Variants in DAPK2 observed in about 807,000 individuals in gnomAD.
DAPK2 encodes death-associated protein kinase 2.
A neutral mutation model predicts 44.1 loss-of-function variants in DAPK2; 35 were observed. That is an observed-to-expected ratio of 0.79 (90% CI 0.61 to 1.05). The LOEUF (loss-of-function observed/expected upper bound fraction) is 1.05. Among genes scored for constraint, DAPK2 ranks in the 50% least tolerant of loss-of-function variants. The probability of loss-of-function intolerance (pLI) is 0.00; values close to 1 mark genes in which losing one functional copy is unlikely to be tolerated. For synonymous variants in DAPK2, 174 were observed against 182.6 expected, an observed-to-expected ratio of 0.95 and a Z score of 0.38; for missense variants, 453 against 483.2, an observed-to-expected ratio of 0.94 and a Z score of 0.59.
chr15:63,959,706 A>C (rs575008818), intron 3 of DAPK2, among the ~76,000 whole-genome samples: 10 of 152,280 alleles, frequency 6.6e-5, no homozygotes, highest in African/African-American at 2.4e-4. Flanking sequence ...GGATGAAGCC[A>C]ACTTGATTGT....
chr15:64,043,622 G>A (rs2080395542), upstream of DAPK2, among the ~76,000 whole-genome samples: 1 of 152,172 alleles, frequency 6.6e-6, no homozygotes, highest in African/African-American at 2.4e-5. Context: ...AGCTTCGGAG[G>A]CTTCAGAGTG....
At position 64,007,137 on chromosome 15, in the gene DAPK2, AT is replaced by A. The variant is rs1289644170; in HGVS notation, c.93-23384del. Among the ~76,000 whole-genome samples, 45 of 149,456 alleles carry A rather than the reference AT, an allele frequency of 3.0e-4. No homozygotes were observed. The East Asian group carries it at 6.9e-3, about 23-fold the overall frequency. ...CCTCTCCTAGCTAATTGAAAAAAAA[AT>A]TTTTTTTTTAGAGACGGGGTCTCAC... On this transcript the variant is annotated intron_variant, in intron 1 of 10. Coordinates refer to ENST00000261891, the Ensembl canonical transcript of DAPK2.
At chr15:63,944,851 C>T (rs1386632038) in intron 3 of DAPK2, among the ~76,000 whole-genome samples, 1 of 152,198 alleles carries the variant, frequency 6.6e-6, no homozygotes, top group Non-Finnish European at 1.5e-5. Flanking sequence ...CCCATGCTCT[C>T]TTTCCAGCCT....
chr15:63,912,508 G>T lies in DAPK2; in HGVS notation c.859-311C>A, dbSNP rs150146681. 1.5e-3 allele frequency among the ~76,000 whole-genome samples: 229 copies of T among 152,382 alleles called. No individual in the cohort carries two copies. The highest frequency in any genetic ancestry group is 5.2e-3 in the African/African-American group (215 of 41,594). On this transcript the variant is annotated intron_variant, in intron 8 of 10. Coordinates refer to ENST00000261891, the Ensembl canonical transcript of DAPK2. The surrounding 1 kb of genome is among the most constrained non-coding windows in gnomAD (Gnocchi z 4.4). The stretch of plus-strand genomic sequence containing the variant: ...CTCCAATCGCACATCACTTTGGGGA[G>T]AGGGTCATTTTACAGCAGTCTGGGA...
intron 2 of DAPK2, 57 bp from the exon 4 acceptor site, chr15:63,971,618 T>G (rs2078215242): frequency 6.3e-7 from 1 of 1,589,886 alleles, no homozygotes; most frequent in Non-Finnish European, 8.6e-7. Context: ...CTGCATGTCA[T>G]GAGGCTGGGC....
At chr15:64,036,019 TA>T (rs1168954610) in intron 1 of DAPK2, among the ~76,000 whole-genome samples, 1 of 151,978 alleles carries the variant, frequency 6.6e-6, no homozygotes, top group Non-Finnish European at 1.5e-5. Context: ...AGTTAAAGGT[TA>T]TTTATTTTTT....
intron 8 of DAPK2, chr15:63,922,156 A>G (rs1250699609): frequency 3.3e-6 from 1 of 298,556 alleles, no homozygotes; most frequent in Non-Finnish European, 4.9e-6. Flanking sequence ...TAATAATAAT[A>G]ATGCCACCCA....
Position 64,040,255 on chromosome 15 carries a change from G to A in DAPK2, c.7C>T (p.Gln3Ter), listed in dbSNP as rs2080317765. The change falls in exon 1 of 11, where the codon CAG becomes TAG. Residue 3 changes from glutamine (Q) to a stop codon, truncating the protein, a stop_gained. Transcript: ENST00000261891. LOFTEE classifies it high-confidence loss of function. The stretch of plus-strand genomic sequence containing the variant: ...ATGTTTGGACTCCTCATTGAGGCCT[G>A]GAACATACAATCCTGAAATGGGAAG... 2 of 1,613,802 alleles carry A rather than the reference G, an allele frequency of 1.2e-6. No homozygotes were observed. Among genetic ancestry groups the A allele is most frequent in the South Asian group, 2.2e-5 (2 of 91,078 alleles).
chr15:63,907,425 CTT>C (rs751101150), exon 11 of DAPK2: 26 of 145,074 alleles, frequency 1.8e-4, no homozygotes, highest in Non-Finnish European at 2.9e-4. Flanking sequence ...TCTCTGGCAA[CTT>C]TTTTTTTTTT....
At chr15:64,036,304 T>TATA (rs2080186305) in intron 1 of DAPK2, among the ~76,000 whole-genome samples, 1 of 104,396 alleles carries the variant, frequency 9.6e-6, no homozygotes, top group South Asian at 2.8e-4. Flanking sequence ...TGTGTGTGTG[T>TATA]GTGTGTATAT....
At chr15:64,024,897 G>T (rs1233056589) in intron 1 of DAPK2, among the ~76,000 whole-genome samples, 1 of 152,192 alleles carries the variant, frequency 6.6e-6, no homozygotes, top group African/African-American at 2.4e-5. Flanking sequence ...CCAGGGGCCA[G>T]TGTTTCAGGA....
At chr15:63,947,273 C>G (rs1286299397) in intron 3 of DAPK2, among the ~76,000 whole-genome samples, 1 of 152,182 alleles carries the variant, frequency 6.6e-6, no homozygotes, top group African/African-American at 2.4e-5. Context: ...GCACACACCT[C>G]TGGCAGAGAA....
chr15:63,978,111 G>T (rs2078404602), intron 2 of DAPK2, among the ~76,000 whole-genome samples: 1 of 152,186 alleles, frequency 6.6e-6, no homozygotes, highest in Admixed American at 6.5e-5. Context: ...AAAGAAGAAA[G>T]AAAGAAATAA....
chr15:64,039,033 T>C (rs1334536704), intron 1 of DAPK2, among the ~76,000 whole-genome samples: 2 of 152,224 alleles, frequency 1.3e-5, no homozygotes, highest in African/African-American at 4.8e-5. Context: ...TGCTTAGAGT[T>C]GGAGTTGTCC....
intron 1 of DAPK2, among the ~76,000 whole-genome samples, chr15:64,037,814 C>G (rs916912660): frequency 1.3e-5 from 2 of 152,206 alleles, no homozygotes; most frequent in Non-Finnish European, 2.9e-5. Flanking sequence ...TCTAGGTCAT[C>G]TGGCCTAGAC....
At position 63,980,472 on chromosome 15, in the gene DAPK2, C is replaced by T. The variant is rs988814841; in HGVS notation, c.314+3061G>A. On this transcript the variant is annotated intron_variant, in intron 2 of 10. Transcript: ENST00000261891. The surrounding 1 kb of genome is among the most constrained non-coding windows in gnomAD (Gnocchi z 4.3). ...CTGCAGGCACACAGCAACACTCCTA[C>T]GTTGTGGTAGTAATGGTTAACCAGC... Among the ~76,000 whole-genome samples the T allele has an allele frequency of 1.3e-5, 2 of 152,186 alleles. No homozygotes were observed. Among genetic ancestry groups the T allele is most frequent in the African/African-American group, 2.4e-5 (1 of 41,428 alleles).
intron 8 of DAPK2, among the ~76,000 whole-genome samples, chr15:63,914,880 C>T (rs1325988724): frequency 6.6e-6 from 1 of 152,222 alleles, no homozygotes; most frequent in East Asian, 1.9e-4. Context: ...CCCCATGATT[C>T]ACTATGCCGG....
chr15:64,016,410 A>T (rs1378299637), intron 1 of DAPK2, among the ~76,000 whole-genome samples: 1 of 152,218 alleles, frequency 6.6e-6, no homozygotes, highest in Non-Finnish European at 1.5e-5. Flanking sequence ...GTGACTTGGG[A>T]TATGAGTGAT....
At chr15:64,028,530 T>A (rs866608356) in intron 1 of DAPK2, among the ~76,000 whole-genome samples, 6 of 152,158 alleles carry the variant, frequency 3.9e-5, no homozygotes, top group Middle Eastern at 6.3e-3. Flanking sequence ...AGAACACTAA[T>A]AAGAAAATTG....
Sources: gnomAD v4.1 joint callset for allele counts (sites outside exome capture counted in the v4.1 genomes callset) on GRCh38, gnomAD v4.1.1 for gene constraint, Gnocchi (gnomAD v3.1) non-coding constraint, MANE v1.5 for transcripts, NCBI Gene and HGNC (gene_info 2026-07-23, HGNC 2026-07-21) for gene names.